FBXO40: variants seen among roughly 807,000 people sequenced by gnomAD.
FBXO40 encodes the protein F-box protein 40, also known as F-box only protein 40.
FBXO40 carries 50 observed loss-of-function variants against 49.9 expected under a neutral mutation model. The ratio of observed to expected loss-of-function variants is 1.00; its 90% CI spans 0.80 to 1.27. The LOEUF is 1.27. Ranked by LOEUF, FBXO40 falls within the 50% of genes most tolerant of loss-of-function variation. FBXO40 has a pLI of 0.00. For missense variants in FBXO40, 895 were observed against 870.1 expected, an observed-to-expected ratio of 1.03 and a Z score of -0.36; for synonymous variants, 340 against 320.2, an observed-to-expected ratio of 1.06 and a Z score of -0.66.
At chr3:121,616,784 C>A (rs1025598182) in intron 1 of FBXO40, among the ~76,000 whole-genome samples, 1 of 152,170 alleles carries the variant, frequency 6.6e-6, no homozygotes, top group Non-Finnish European at 1.5e-5. Flanking sequence ...AAGGCTGTCT[C>A]TCCTGAAAAA....
At chr3:121,617,596 A>G (rs1046053539) in intron 1 of FBXO40, among the ~76,000 whole-genome samples, 3 of 152,186 alleles carry the variant, frequency 2.0e-5, no homozygotes, top group African/African-American at 7.2e-5. Flanking sequence ...CTCTGTCACA[A>G]AAAACAACAA....
chr3:121,616,827 G>T (rs1393483481), intron 1 of FBXO40, among the ~76,000 whole-genome samples: 1 of 152,172 alleles, frequency 6.6e-6, no homozygotes, highest in Non-Finnish European at 1.5e-5. Flanking sequence ...GATTAAAGAG[G>T]CTAAAAAGAC....
chr3:121,595,357 T>C (rs138689720), intron 1 of FBXO40, among the ~76,000 whole-genome samples: 80 of 152,320 alleles, frequency 5.3e-4, no homozygotes, highest in African/African-American at 1.9e-3. Context: ...CTAGGGTGTG[T>C]TGGCTTACAA....
At chr3:121,623,561 C>A (rs1239980150) in intron 3 of FBXO40, among the ~76,000 whole-genome samples, 1 of 152,024 alleles carries the variant, frequency 6.6e-6, no homozygotes, top group African/African-American at 2.4e-5. Context: ...GAGATGGGGT[C>A]TTACTGTGTT....
chr3:121,621,459 G>C lies in FBXO40; in HGVS notation c.30G>C (p.Gly10=), dbSNP rs775053459. ...GGAAAGCCCGCAGATCCCCGCCAGG[G>C]CACCACAGGCATTGTGAGGGATGCT... is the stretch of plus-strand genomic sequence containing the variant. The part of the protein sequence containing the change: MGKARRSPP[G]HHRHCEGCFN... The change falls in exon 3 of 4, where the codon GGG becomes GGC. Residue 10 remains glycine (G), a synonymous_variant. Coordinates refer to ENST00000338040, the MANE Select transcript of FBXO40 (RefSeq NM_016298.4). 5 of 1,613,972 alleles carry C rather than the reference G, an allele frequency of 3.1e-6. No homozygotes were observed. The South Asian group carries it at 5.5e-5, about 18-fold the overall frequency.
rs1296814971 is a variant in FBXO40 at position 121,629,167 on chromosome 3, C to T, written c.*2257C>T. ...AGAAGGCAGTAGAGCAAGTCCCAGA[C>T]CAGAAACATGCTCATCTTTTCATCG... On this transcript the variant is annotated 3_prime_UTR_variant, in exon 4 of 4. Coordinates refer to ENST00000338040, the MANE Select transcript of FBXO40 (RefSeq NM_016298.4). The T allele has an allele frequency of 4.6e-5, 7 of 152,194 alleles. No individual in the cohort carries two copies. The highest frequency in any genetic ancestry group is 2.6e-4 in the Admixed American group (4 of 15,272). 9.4% of individuals were successfully genotyped at this position (152,194 alleles called of 1,614,324 possible). A position where few individuals can be genotyped will look rare whatever the true frequency, so the allele number is the denominator to read the frequency against.
At chr3:121,605,914 C>A (rs2048929941) in intron 1 of FBXO40, among the ~76,000 whole-genome samples, 1 of 152,192 alleles carries the variant, frequency 6.6e-6, no homozygotes, top group Non-Finnish European at 1.5e-5. Flanking sequence ...CTCACAAATC[C>A]AGCAAGAGGA....
chr3:121,597,215 A>T lies in FBXO40; in HGVS notation c.-31+3713A>T, dbSNP rs569855986. 4.6e-5 allele frequency among the ~76,000 whole-genome samples: 7 copies of T among 152,326 alleles called. No individual in the cohort carries two copies. The East Asian group carries it at 1.4e-3, about 29-fold the overall frequency. On this transcript the variant is annotated intron_variant, in intron 1 of 3. Transcript: ENST00000338040. ...TTTTTCTTGATGAGCAGAATAATGC[A>T]GATGAGCAAAAAAATTTACAAATTT...
At chr3:121,614,777 C>T (rs781205122) in intron 1 of FBXO40, among the ~76,000 whole-genome samples, 2 of 152,214 alleles carry the variant, frequency 1.3e-5, no homozygotes, top group East Asian at 1.9e-4. Context: ...ACTGATGCTG[C>T]GCAGACTGTT....
Position 121,622,901 on chromosome 3 carries a change from AC to A in FBXO40, c.1473del (p.Phe492SerfsTer43), listed in dbSNP as rs1560132992. The A allele has an allele frequency of 6.2e-7, 1 of 1,614,072 alleles. No individual in the cohort carries two copies. Among genetic ancestry groups the A allele is most frequent in the East Asian group, 2.2e-5 (1 of 44,892 alleles). ...KFFRRDEFPL[H>X]FKNVHTDIQS... is the part of the protein sequence containing the mutation. The stretch of plus-strand genomic sequence containing the variant: ...TTCAGGAGGGATGAGTTCCCCCTGC[AC>A]TTCAAGAATGTCCACACAGACATTC... On this transcript the variant is annotated frameshift_variant, in exon 3 of 4. Transcript: ENST00000338040. LOFTEE classifies it high-confidence loss of function.
At chr3:121,604,881 C>A (rs2048922866) in intron 1 of FBXO40, among the ~76,000 whole-genome samples, 1 of 151,974 alleles carries the variant, frequency 6.6e-6, no homozygotes, top group East Asian at 1.9e-4. Context: ...GTGGTTATAC[C>A]CATGAAAAAT....
intron 1 of FBXO40, among the ~76,000 whole-genome samples, chr3:121,599,805 C>A (rs1177136019): frequency 6.8e-6 from 1 of 146,042 alleles, no homozygotes; most frequent in Non-Finnish European, 1.5e-5. Context: ...TCACTGCAAA[C>A]TCTGCCTCCC....
chr3:121,625,005 TG>T (rs2049054140), intron 3 of FBXO40, among the ~76,000 whole-genome samples: 2 of 152,254 alleles, frequency 1.3e-5, no homozygotes, highest in Non-Finnish European at 2.9e-5. Flanking sequence ...AAACAGTTTT[TG>T]CTTTGATAAA....
intron 1 of FBXO40, among the ~76,000 whole-genome samples, chr3:121,612,994 C>T (rs1448807054): frequency 1.3e-5 from 2 of 149,812 alleles, no homozygotes; most frequent in South Asian, 2.1e-4. Context: ...GGCGAGAACC[C>T]GGGAGGCGGA....
chr3:121,609,492 T>G (rs2048952945), intron 1 of FBXO40, among the ~76,000 whole-genome samples: 1 of 151,836 alleles, frequency 6.6e-6, no homozygotes. Flanking sequence ...CCGCAACCCT[T>G]GAGGGAGAAC....
chr3:121,613,870 C>T (rs985052836), intron 1 of FBXO40, among the ~76,000 whole-genome samples: 16 of 152,166 alleles, frequency 1.1e-4, no homozygotes, highest in African/African-American at 3.4e-4. Context: ...TTGTGGCTCA[C>T]GCCTGTAATC....
intron 1 of FBXO40, among the ~76,000 whole-genome samples, chr3:121,609,523 T>C (rs1041660770): frequency 6.6e-6 from 1 of 152,046 alleles, no homozygotes; most frequent in African/African-American, 2.4e-5. Context: ...AGTTGTGAGG[T>C]TGAATGAGTA....
intron 1 of FBXO40, 110 bp from the exon 2 acceptor site, chr3:121,620,436 A>G: frequency 2.1e-6 from 2 of 969,536 alleles, no homozygotes; most frequent in Non-Finnish European, 3.1e-6. Flanking sequence ...CACCTCCAGG[A>G]TGGTGGAAGG....
At chr3:121,614,088 G>A (rs1188699216) in intron 1 of FBXO40, among the ~76,000 whole-genome samples, 1 of 152,124 alleles carries the variant, frequency 6.6e-6, no homozygotes, top group East Asian at 1.9e-4. Context: ...CCAACATGGT[G>A]AAACCCTCTA....
Sources: gnomAD v4.1 joint callset for allele counts (sites outside exome capture counted in the v4.1 genomes callset) on GRCh38, gnomAD v4.1.1 for gene constraint, MANE v1.5 for transcripts, NCBI Gene and HGNC (gene_info 2026-07-23, HGNC 2026-07-21) for gene names.